The following CADPS variants were observed in gnomAD, a reference collection of about 807,000 sequenced individuals.
CADPS encodes the protein calcium dependent secretion activator, also known as calcium-dependent secretion activator 1.
In CADPS, 57 loss-of-function variants were observed where a neutral mutation model predicts 167.3. The observed-to-expected ratio is 0.34, with a 90% CI of 0.28 to 0.42. The LOEUF (loss-of-function observed/expected upper bound fraction) is 0.42, where lower values mean the gene tolerates loss of function less well. Ranked by LOEUF, CADPS falls within the 20% of genes least tolerant of loss-of-function variation. The pLI is 1.00. For synonymous variants in CADPS, 676 were observed against 635.3 expected (o/e 1.06, Z -0.96); for missense variants, 1,414 against 1,738.1 (o/e 0.81, Z 3.32).
At chr3:62,805,497 A>G (rs1195818505) in intron 1 of CADPS, among the ~76,000 whole-genome samples, 1 of 152,154 alleles carries the variant, frequency 6.6e-6, no homozygotes, top group Non-Finnish European at 1.5e-5. Context: ...GCTATTACGT[A>G]GTGTTTTTCT....
chr3:62,550,743 C>G (rs1321052263), intron 10 of CADPS: 4 of 453,832 alleles, frequency 8.8e-6, no homozygotes, highest in Non-Finnish European at 1.8e-5. Context: ...CCCACTGAAA[C>G]TTGTCCAGGT....
intron 21 of CADPS, among the ~76,000 whole-genome samples, chr3:62,485,672 A>G (rs2062708487): frequency 6.6e-6 from 1 of 152,144 alleles, no homozygotes; most frequent in Non-Finnish European, 1.5e-5. Flanking sequence ...TATCATTTTC[A>G]GCCTGTGTGG....
intron 3 of CADPS, among the ~76,000 whole-genome samples, chr3:62,742,396 C>A (rs115994300): frequency 0.093 from 14,218 of 152,092 alleles, 697 homozygotes; most frequent in South Asian, 0.16. Flanking sequence ...GCTACAGTAA[C>A]CAAAACAGCA....
intron 6 of CADPS, among the ~76,000 whole-genome samples, chr3:62,633,753 C>A (rs2065747796): frequency 6.6e-6 from 1 of 152,078 alleles, no homozygotes; most frequent in Non-Finnish European, 1.5e-5. Flanking sequence ...TGCAGGGGCC[C>A]TGAACCCACA....
At chr3:62,793,219 G>A (rs74602136) in intron 1 of CADPS, among the ~76,000 whole-genome samples, 3,479 of 152,260 alleles carry the variant, frequency 0.023, 61 homozygotes, top group South Asian at 0.061. Context: ...TATAATGCTT[G>A]TGAAACATTA....
At position 62,786,117 on chromosome 3, in the gene CADPS, G is replaced by A. The variant is rs140272801; in HGVS notation, c.442-20133C>T. Among the ~76,000 whole-genome samples, 514 of 152,228 alleles carry A rather than the reference G, an allele frequency of 3.4e-3. 2 individuals carry two copies. The highest frequency in any genetic ancestry group is 0.011 in the African/African-American group (477 of 41,530). ...ATTCCCAGCTACTCAGGAGGCTGAGGCACAAGAATCGCTTGAACGTGGGAG... is the reference window on the plus strand; with the variant it reads ...ATTCCCAGCTACTCAGGAGGCTGAGACACAAGAATCGCTTGAACGTGGGAG... On this transcript the variant is annotated intron_variant, in intron 1 of 29. Coordinates refer to ENST00000383710, the MANE Select transcript of CADPS (RefSeq NM_003716.4).
chr3:62,400,057 CCT>C (rs747940159), intron 29 of CADPS, among the ~76,000 whole-genome samples: 1 of 152,054 alleles, frequency 6.6e-6, no homozygotes, highest in African/African-American at 2.4e-5. Flanking sequence ...TACTGATATC[CCT>C]CTGTCTCATT....
chr3:62,840,636 T>C (rs1421518974), intron 1 of CADPS, among the ~76,000 whole-genome samples: 2 of 152,164 alleles, frequency 1.3e-5, no homozygotes, highest in African/African-American at 4.8e-5. Context: ...TATGTACAGA[T>C]GGGAAATAAA....
intron 23 of CADPS, among the ~76,000 whole-genome samples, chr3:62,476,880 C>T (rs965194846): frequency 6.6e-6 from 1 of 151,882 alleles, no homozygotes; most frequent in Admixed American, 6.6e-5. Flanking sequence ...ATTGCTTTTC[C>T]TAAAATTGAT....
At chr3:62,716,202 G>A (rs1362623002) in intron 3 of CADPS, among the ~76,000 whole-genome samples, 1 of 152,082 alleles carries the variant, frequency 6.6e-6, no homozygotes, top group East Asian at 1.9e-4. Flanking sequence ...TGGGACTACA[G>A]GCACTTGCCA....
intron 1 of CADPS, among the ~76,000 whole-genome samples, chr3:62,829,030 A>T (rs2074577796): frequency 6.6e-6 from 1 of 152,150 alleles, no homozygotes; most frequent in Non-Finnish European, 1.5e-5. Context: ...AGGGCTAATT[A>T]TCCAAGAAAA....
At chr3:62,864,754 T>C (rs1577561681) in intron 1 of CADPS, among the ~76,000 whole-genome samples, 1 of 152,022 alleles carries the variant, frequency 6.6e-6, no homozygotes. Flanking sequence ...ATTTGACATA[T>C]AAATTTGGGG....
intron 3 of CADPS, among the ~76,000 whole-genome samples, chr3:62,687,814 A>C (rs1476435015): frequency 1.3e-5 from 2 of 149,694 alleles, no homozygotes; most frequent in Non-Finnish European, 3.0e-5. Flanking sequence ...TTTTTCTACA[A>C]CTAATAAAGA....
At chr3:62,720,234 A>G (rs1298501064) in intron 3 of CADPS, among the ~76,000 whole-genome samples, 1 of 152,060 alleles carries the variant, frequency 6.6e-6, no homozygotes, top group Admixed American at 6.5e-5. Context: ...AAAAGTTAAC[A>G]TGTGTCAGAC....
At chr3:62,509,197 C>G (rs756446007) in intron 17 of CADPS, among the ~76,000 whole-genome samples, 1 of 148,516 alleles carries the variant, frequency 6.7e-6, no homozygotes, top group Non-Finnish European at 1.5e-5. Flanking sequence ...CCAGCCACTT[C>G]GGATGCTGAG....
Position 62,536,426 on chromosome 3 carries a change from G to A in CADPS, c.2103+19C>T. On this transcript the variant is annotated intron_variant, in intron 12 of 29. Transcript: ENST00000383710. Reference sequence around the variant, plus strand: ...AAAATGTTATGTTTAAATTGCTGTAGACCAAAGAATATACTTGCCAGGCAA... The same window carrying A: ...AAAATGTTATGTTTAAATTGCTGTAAACCAAAGAATATACTTGCCAGGCAA... The A allele has an allele frequency of 6.2e-7, 1 of 1,606,068 alleles. No individual in the cohort carries two copies. The highest frequency in any genetic ancestry group is 8.5e-7 in the Non-Finnish European group (1 of 1,174,320).
rs17066559 is a variant in CADPS at position 62,546,301 on chromosome 3, G to T, written c.1966+3602C>A. 9.1e-3 allele frequency among the ~76,000 whole-genome samples: 1,384 copies of T among 152,150 alleles called. 25 individuals are homozygous for T. The highest frequency in any genetic ancestry group is 0.029 in the African/African-American group (1,221 of 41,504). ...GACTGTTTTTCATCTTTCTTGCGTG[G>T]TAGTACCTGGTGACCAATCCGTCCT... On this transcript the variant is annotated intron_variant, in intron 11 of 29. Transcript: ENST00000383710.
intron 6 of CADPS, among the ~76,000 whole-genome samples, chr3:62,621,331 T>C (rs112616793): frequency 2.0e-5 from 3 of 152,164 alleles, no homozygotes; most frequent in African/African-American, 7.2e-5. Context: ...CGTGTGTCCC[T>C]GTGGCAGATC....
chr3:62,761,699 G>C (rs1481746158), intron 2 of CADPS, among the ~76,000 whole-genome samples: 1 of 151,932 alleles, frequency 6.6e-6, no homozygotes, highest in Non-Finnish European at 1.5e-5. Context: ...AGGAGGGAGG[G>C]AGAGAGCAAG....
Sources: gnomAD v4.1 joint callset for allele counts (sites outside exome capture counted in the v4.1 genomes callset) on GRCh38, gnomAD v4.1.1 for gene constraint, MANE v1.5 for transcripts, NCBI Gene and HGNC (gene_info 2026-07-23, HGNC 2026-07-21) for gene names.